The following FOXP1 variants were observed in gnomAD, a reference collection of about 807,000 sequenced individuals.
FOXP1 encodes forkhead box P1.
In FOXP1, 15 loss-of-function variants were observed where a neutral mutation model predicts 98.2. That is an observed-to-expected ratio of 0.15 (90% confidence interval 0.10 to 0.24). FOXP1 has a LOEUF of 0.24. Ranked by LOEUF, FOXP1 falls within the 10% of genes least tolerant of loss-of-function variation. The pLI, the probability that FOXP1 is intolerant of heterozygous loss-of-function variation, is 1.00. For synonymous variants in FOXP1, 371 were observed against 314.5 expected, an observed-to-expected ratio of 1.18 and a Z score of -1.90; for missense variants, 633 against 848.5, an observed-to-expected ratio of 0.75 and a Z score of 3.15.
chr3:70,966,285 T>G lies in FOXP1; in HGVS notation c.1723-229A>C. On this transcript the variant is annotated intron_variant, in intron 19 of 20. Transcript: ENST00000649528. The stretch of plus-strand genomic sequence containing the variant: ...GGGGCCAGGGGGGACCAAGTGCCTG[T>G]GGGTAGGAAGGACTCAATTTGGTCC... 4 of 557,714 alleles carry G rather than the reference T, an allele frequency of 7.2e-6. No individual in the cohort carries two copies. In the South Asian group the frequency reaches 7.7e-5, roughly 11 times the overall value. 34.5% of individuals were successfully genotyped at this position (557,714 alleles called of 1,614,324 possible).
chr3:71,251,762 A>G (rs1308384375), intron 5 of FOXP1, among the ~76,000 whole-genome samples: 1 of 152,220 alleles, frequency 6.6e-6, no homozygotes, highest in African/African-American at 2.4e-5. Flanking sequence ...TTTAGCAATG[A>G]TATGAGAATC....
chr3:71,198,419 G>T (rs566555318), intron 5 of FOXP1, 27 bp from the exon 6 acceptor site: 1 of 598,962 alleles, frequency 1.7e-6, no homozygotes, highest in Non-Finnish European at 3.2e-6. Flanking sequence ...CAAGATGGGG[G>T]GAGGGAGGGG....
At chr3:71,313,639 C>A (rs2074864763) in intron 4 of FOXP1, among the ~76,000 whole-genome samples, 1 of 151,992 alleles carries the variant, frequency 6.6e-6, no homozygotes, top group Admixed American at 6.6e-5. Flanking sequence ...CATTCTCCTG[C>A]CTCAGCCTCC....
At chr3:71,175,359 G>A (rs368921027) in intron 6 of FOXP1, among the ~76,000 whole-genome samples, 2 of 152,150 alleles carry the variant, frequency 1.3e-5, no homozygotes, top group Non-Finnish European at 2.9e-5. Flanking sequence ...CTGACAACAC[G>A]TATGTGGCCA....
In FOXP1 at chr3:71,281,039, CAA is replaced by C. The variant is rs55640213; in HGVS notation, c.-12+18779_-12+18780del. On this transcript the variant is annotated intron_variant, in intron 5 of 20. Transcript: ENST00000649528. ...GCAACATGGCAAAGCCCCTTCTCTA[CAA>C]AAAAAAAAAAAAAAAAAAAAGAAGA... Among the ~76,000 whole-genome samples the C allele has an allele frequency of 8.6e-3, 717 of 83,540 alleles. 7 individuals are homozygous for C. The highest frequency in any genetic ancestry group is 0.028 in the African/African-American group (615 of 21,610). The allele number at this position is 83,540 out of a possible 152,430, so 54.8% of individuals were successfully genotyped here.
At position 71,582,683 on chromosome 3, in the gene FOXP1, C is replaced by T. The variant is rs193152207; in HGVS notation, c.-447+888G>A. ...GCGCGGCGACTCCTCGCAGCGCATCCGGCTCCCGCACCCACCCGTGGATCT... is the reference window on the plus strand; with the variant it reads ...GCGCGGCGACTCCTCGCAGCGCATCTGGCTCCCGCACCCACCCGTGGATCT... On this transcript the variant is annotated intron_variant, in intron 1 of 20. Coordinates refer to ENST00000649528, the MANE Select transcript of FOXP1 (RefSeq NM_001349338.3). The T allele has an allele frequency of 2.4e-3, 2,318 of 985,380 alleles. 4 individuals carry two copies. Among genetic ancestry groups the T allele is most frequent in the Non-Finnish European group, 2.7e-3 (2,224 of 829,938 alleles). 61.0% of individuals were successfully genotyped at this position (985,380 alleles called of 1,614,324 possible). A position where few individuals can be genotyped will look rare whatever the true frequency, so the allele number is the denominator to read the frequency against.
chr3:70,971,209 C>T (rs2036160841), intron 18 of FOXP1: 1 of 283,146 alleles, frequency 3.5e-6, no homozygotes, highest in Non-Finnish European at 6.9e-6. Flanking sequence ...AATCTTGGCT[C>T]CTAAGCATCT....
At chr3:71,386,380 T>G (rs1293745986) in intron 3 of FOXP1, among the ~76,000 whole-genome samples, 4 of 152,206 alleles carry the variant, frequency 2.6e-5, no homozygotes, top group Non-Finnish European at 5.9e-5. Context: ...ATCTGACCAT[T>G]GCGTGCCCAG....
chr3:71,440,937 T>TG (rs1015778197), intron 3 of FOXP1, among the ~76,000 whole-genome samples: 3 of 152,190 alleles, frequency 2.0e-5, no homozygotes, highest in Non-Finnish European at 4.4e-5. Flanking sequence ...GACCCTACCC[T>TG]GTTCCTCACA....
chr3:71,260,067 T>C (rs891668973), intron 5 of FOXP1, among the ~76,000 whole-genome samples: 2 of 152,146 alleles, frequency 1.3e-5, no homozygotes, highest in Admixed American at 1.3e-4. Context: ...CACTGCAAGC[T>C]CCGCCTCCCG....
intron 2 of FOXP1, among the ~76,000 whole-genome samples, chr3:71,544,958 T>C (rs534971277): frequency 3.3e-5 from 5 of 152,284 alleles, no homozygotes; most frequent in African/African-American, 1.2e-4. Context: ...AAAAAAATGT[T>C]AAGACTGTAA....
At chr3:71,442,280 T>C (rs2086007691) in intron 3 of FOXP1, among the ~76,000 whole-genome samples, 1 of 152,078 alleles carries the variant, frequency 6.6e-6, no homozygotes, top group African/African-American at 2.4e-5. Context: ...ACTGAGTTGC[T>C]TGACACAGGG....
chr3:71,368,205 A>C (rs1418478005), intron 3 of FOXP1, among the ~76,000 whole-genome samples: 1 of 149,944 alleles, frequency 6.7e-6, no homozygotes, highest in Non-Finnish European at 1.5e-5. Context: ...GCTCACTACA[A>C]ACTCTGCCTC....
intron 3 of FOXP1, among the ~76,000 whole-genome samples, chr3:71,415,852 T>C (rs562217602): frequency 2.6e-5 from 4 of 152,332 alleles, no homozygotes; most frequent in Admixed American, 6.5e-5. Flanking sequence ...AAGGCAACTT[T>C]AGAAAACTGA....
At chr3:71,236,459 T>C (rs2106838758) in intron 5 of FOXP1, among the ~76,000 whole-genome samples, 1 of 152,300 alleles carries the variant, frequency 6.6e-6, no homozygotes, top group South Asian at 2.1e-4. Context: ...CTACCAGTCA[T>C]CCTGTCTACA....
At chr3:71,427,867 C>T (rs1329678430) in intron 3 of FOXP1, among the ~76,000 whole-genome samples, 1 of 152,096 alleles carries the variant, frequency 6.6e-6, no homozygotes, top group Admixed American at 6.5e-5. Context: ...ATGACAAATC[C>T]CATCTCAGAA....
intron 2 of FOXP1, among the ~76,000 whole-genome samples, chr3:71,516,816 A>C (rs964093605): frequency 3.3e-5 from 5 of 152,186 alleles, no homozygotes; most frequent in African/African-American, 1.2e-4. Context: ...ACTGCACTCT[A>C]GCCTGGGTGA....
At chr3:71,031,978 A>G (rs906927642) in intron 11 of FOXP1, among the ~76,000 whole-genome samples, 2 of 152,236 alleles carry the variant, frequency 1.3e-5, no homozygotes, top group East Asian at 1.9e-4. Flanking sequence ...GGGGGAGGAA[A>G]GGAAGCCAGC....
chr3:70,987,401 G>C (rs1238268196), intron 14 of FOXP1, among the ~76,000 whole-genome samples: 1 of 152,212 alleles, frequency 6.6e-6, no homozygotes, highest in Non-Finnish European at 1.5e-5. Flanking sequence ...CAAATTAAAT[G>C]TAATTTCAGT....
Sources: allele counts gnomAD v4.1 joint callset (sites outside exome capture counted in the v4.1 genomes callset), GRCh38; gene constraint gnomAD v4.1.1; transcripts MANE v1.5; gene names NCBI Gene and HGNC (gene_info 2026-07-23, HGNC 2026-07-21).